TMEFF2: variants seen among roughly 807,000 people sequenced by gnomAD.
The protein encoded by TMEFF2 is tomoregulin-2.
A neutral mutation model predicts 53.8 loss-of-function variants in TMEFF2; 28 were observed. The observed-to-expected ratio is 0.52, with a 90% CI of 0.39 to 0.71. TMEFF2 has a LOEUF of 0.71. Ranked by LOEUF, TMEFF2 falls within the 30% of genes least tolerant of loss-of-function variation. The probability of loss-of-function intolerance (pLI) is 0.00; values close to 1 mark genes in which losing one functional copy is unlikely to be tolerated. For missense variants in TMEFF2, 353 were observed against 455.2 expected (o/e 0.78, Z 2.04); for synonymous variants, 162 against 166.3 (o/e 0.97, Z 0.20).
chr2:192,113,825 A>G (rs567002599), intron 4 of TMEFF2, among the ~76,000 whole-genome samples: 1 of 152,256 alleles, frequency 6.6e-6, no homozygotes, highest in Admixed American at 6.5e-5. Flanking sequence ...TTGTATTTGT[A>G]TATCTACACC....
At chr2:191,968,541 A>G (rs1370249661) in intron 7 of TMEFF2, among the ~76,000 whole-genome samples, 1 of 152,218 alleles carries the variant, frequency 6.6e-6, no homozygotes, top group Non-Finnish European at 1.5e-5. Flanking sequence ...CATGCTCTTT[A>G]GACCAGAGTT....
At chr2:191,981,426 C>T (rs1043494122) in intron 7 of TMEFF2, among the ~76,000 whole-genome samples, 2 of 152,186 alleles carry the variant, frequency 1.3e-5, no homozygotes, top group African/African-American at 4.8e-5. Flanking sequence ...TATAGTTACA[C>T]ACATCAGCTG....
chr2:191,983,683 A>C (rs1685909575), intron 7 of TMEFF2, among the ~76,000 whole-genome samples: 1 of 152,160 alleles, frequency 6.6e-6, no homozygotes, highest in African/African-American at 2.4e-5. Flanking sequence ...GCTCTGACAA[A>C]AGTGACAGCA....
Position 191,953,798 on chromosome 2 carries a change from C to G in TMEFF2, c.909G>C (p.Lys303Asn), listed in dbSNP as rs765943296. 13 of 1,612,204 alleles carry G rather than the reference C, an allele frequency of 8.1e-6. No homozygotes were observed. The highest frequency in any genetic ancestry group is 1.1e-5 in the Non-Finnish European group (13 of 1,179,074). ...GAACAACGTATAGAACACTGTAGTC[C>G]TTTTTTTCACAGTGTTGTCCAGTAT... is the stretch of plus-strand genomic sequence containing the variant. ...AGYTGQHCEK[K>N]DYSVLYVVPG... Residue 303 changes from lysine (K) to asparagine (N), a missense_variant, in exon 9 of 10, where the codon AAG becomes AAC. Lys to Asn is a moderately conservative substitution (Grantham distance 94). Coordinates refer to ENST00000272771, the MANE Select transcript of TMEFF2 (RefSeq NM_016192.4).
chr2:191,957,126 A>G (rs897299690), intron 7 of TMEFF2, among the ~76,000 whole-genome samples: 2 of 152,198 alleles, frequency 1.3e-5, no homozygotes, highest in Non-Finnish European at 2.9e-5. Flanking sequence ...TTTGCCTGCC[A>G]TTACAACATG....
At chr2:191,983,121 T>G (rs1317618890) in intron 7 of TMEFF2, among the ~76,000 whole-genome samples, 1 of 152,064 alleles carries the variant, frequency 6.6e-6, no homozygotes, top group African/African-American at 2.4e-5. Context: ...AAAAACACAA[T>G]GCAAAAGAGG....
intron 5 of TMEFF2, among the ~76,000 whole-genome samples, chr2:192,047,639 A>G (rs1687655538): frequency 1.3e-5 from 2 of 152,190 alleles, no homozygotes; most frequent in African/African-American, 2.4e-5. Flanking sequence ...TTTACTTTAC[A>G]TTAGGGGGGC....
rs991327488 is a variant in TMEFF2 at position 192,064,474 on chromosome 2, C to A, written c.440-6699G>T. 3.3e-5 allele frequency among the ~76,000 whole-genome samples: 5 copies of A among 151,778 alleles called. No homozygotes were observed. In the South Asian group the frequency reaches 1.0e-3, roughly 31 times the overall value. ...TATACTAATGAAGACCCCTGCCAAT[C>A]GCTACTAAATGATTTGACGTCTGTT... On this transcript the variant is annotated intron_variant, in intron 4 of 9. Coordinates refer to ENST00000272771, the MANE Select transcript of TMEFF2 (RefSeq NM_016192.4).
In TMEFF2 at chr2:192,134,176, G is replaced by A. The variant is rs368669613; in HGVS notation, c.439+45492C>T. 5.1e-3 allele frequency among the ~76,000 whole-genome samples: 783 copies of A among 152,200 alleles called. 5 individuals are homozygous for A. The highest frequency in any genetic ancestry group is 0.016 in the South Asian group (79 of 4,808). On this transcript the variant is annotated intron_variant, in intron 4 of 9. Coordinates refer to ENST00000272771, the MANE Select transcript of TMEFF2 (RefSeq NM_016192.4). ...ATCTATTTTCTTCCTCACACCTGACGCATATACTTTCTGCTCCCTGGCTCC... is the reference window on the plus strand; with the variant it reads ...ATCTATTTTCTTCCTCACACCTGACACATATACTTTCTGCTCCCTGGCTCC...
rs147678510 is a variant in TMEFF2 at position 192,114,879 on chromosome 2, G to T, written c.440-57104C>A. The stretch of plus-strand genomic sequence containing the variant: ...CCTGAGGCTCTCATGTAAAGCATGG[G>T]TGATGATGAATGTGTTAATTGATAT... On this transcript the variant is annotated intron_variant, in intron 4 of 9. Coordinates refer to ENST00000272771, the MANE Select transcript of TMEFF2 (RefSeq NM_016192.4). 1.9e-3 allele frequency among the ~76,000 whole-genome samples: 291 copies of T among 152,008 alleles called. 2 individuals carry two copies. Among genetic ancestry groups the T allele is most frequent in the African/African-American group, 6.6e-3 (276 of 41,514 alleles).
At chr2:192,144,772 G>A (rs1206233717) in intron 4 of TMEFF2, among the ~76,000 whole-genome samples, 1 of 151,986 alleles carries the variant, frequency 6.6e-6, no homozygotes, top group African/African-American at 2.4e-5. Context: ...TAATGTTCCT[G>A]TACATGCTGA....
At chr2:191,989,600 A>G (rs1686055598) in intron 7 of TMEFF2, among the ~76,000 whole-genome samples, 1 of 152,164 alleles carries the variant, frequency 6.6e-6, no homozygotes, top group South Asian at 2.1e-4. Flanking sequence ...TGTGAACATT[A>G]ACATTTCTGA....
At chr2:192,184,564 A>G in intron 2 of TMEFF2, 81 bp from the exon 3 acceptor site, 2 of 1,524,752 alleles carry the variant, frequency 1.3e-6, no homozygotes, top group Non-Finnish European at 1.8e-6. Flanking sequence ...ATAATCATTT[A>G]CAAAAGAAAC....
At chr2:192,077,240 G>A (rs1574351940) in intron 4 of TMEFF2, among the ~76,000 whole-genome samples, 1 of 152,218 alleles carries the variant, frequency 6.6e-6, no homozygotes, top group African/African-American at 2.4e-5. Flanking sequence ...AAACCCTTAA[G>A]GTTATGGAAG....
chr2:192,123,424 A>C (rs541308980), intron 4 of TMEFF2, among the ~76,000 whole-genome samples: 12 of 152,286 alleles, frequency 7.9e-5, no homozygotes, highest in African/African-American at 2.9e-4. Flanking sequence ...AGTCAATAAC[A>C]CTTAAATCTT....
At chr2:192,013,122 A>G (rs2105851611) in intron 5 of TMEFF2, among the ~76,000 whole-genome samples, 1 of 152,348 alleles carries the variant, frequency 6.6e-6, no homozygotes. Context: ...AATCTAGCAA[A>G]GGCTTCCTTC....
In TMEFF2 at chr2:192,193,761, T is replaced by TAGAGAGAGAGAGAG. The variant is rs530141565; in HGVS notation, c.172+578_172+591dup. 1.7e-4 allele frequency among the ~76,000 whole-genome samples: 8 copies of TAGAGAGAGAGAGAG among 47,848 alleles called. 1 individual carries two copies. The highest frequency in any genetic ancestry group is 2.2e-4 in the Non-Finnish European group (5 of 22,896). 31.4% of individuals were successfully genotyped at this position (47,848 alleles called of 152,430 possible). A position where few individuals can be genotyped will look rare whatever the true frequency, so the allele number is the denominator to read the frequency against. On this transcript the variant is annotated intron_variant, in intron 1 of 9. Coordinates refer to ENST00000272771, the MANE Select transcript of TMEFF2 (RefSeq NM_016192.4). ...TGAGAGAGAGAGAGAGATAGATAGATAGAGAGAGAGAGAGAGAGAGAGAGA... is the reference window on the plus strand; with the variant it reads ...TGAGAGAGAGAGAGAGATAGATAGATAGAGAGAGAGAGAGAGAGAGAGAGAGAGAGAGAGAGAGA...
At chr2:192,033,294 G>GA (rs1235644558) in intron 5 of TMEFF2, among the ~76,000 whole-genome samples, 4 of 152,132 alleles carry the variant, frequency 2.6e-5, no homozygotes, top group Non-Finnish European at 5.9e-5. Flanking sequence ...GCAATTCAAA[G>GA]AAAACTGAGA....
At chr2:192,072,833 C>T (rs568919373) in intron 4 of TMEFF2, among the ~76,000 whole-genome samples, 83 of 151,904 alleles carry the variant, frequency 5.5e-4, no homozygotes, top group Admixed American at 1.3e-4. Flanking sequence ...TAGTAGTCCA[C>T]GGAGACTGCA....
Sources: allele counts gnomAD v4.1 joint callset (sites outside exome capture counted in the v4.1 genomes callset), GRCh38; gene constraint gnomAD v4.1.1; transcripts MANE v1.5; gene names NCBI Gene and HGNC (gene_info 2026-07-23, HGNC 2026-07-21).